MTMR10: variants seen among roughly 807,000 people sequenced by gnomAD.
The protein encoded by MTMR10 is myotubularin related protein 10.
A neutral mutation model predicts 88.1 loss-of-function variants in MTMR10; 56 were observed. That is an observed-to-expected ratio of 0.64 (90% CI 0.51 to 0.79). MTMR10 has a LOEUF of 0.79. Ranked by LOEUF, MTMR10 falls within the 30% of genes least tolerant of loss-of-function variation. The pLI, the probability that MTMR10 is intolerant of heterozygous loss-of-function variation, is 0.00. For synonymous variants in MTMR10, 380 were observed against 340.9 expected (o/e 1.11, Z -1.26); for missense variants, 883 against 924.7 (o/e 0.95, Z 0.58).
At chr15:30,966,115 T>C (rs1311176218) in intron 6 of MTMR10, 4 of 438,056 alleles carry the variant, frequency 9.1e-6, no homozygotes, top group Non-Finnish European at 1.4e-5. Flanking sequence ...CAGTGTTATG[T>C]TTATGAGGTA....
chr15:30,974,429 A>T lies in MTMR10; in HGVS notation c.359T>A (p.Val120Asp). Residue 120 changes from valine (V) to aspartate (D), a missense_variant, in exon 5 of 16, where the codon GTC becomes GAC. Val to Asp is a radical substitution (Grantham distance 152). Coordinates refer to ENST00000435680, the MANE Select transcript of MTMR10 (RefSeq NM_017762.3). Reference protein sequence around the residue: ...TVNDHKRKQKVLGPNQKLKFN... With the variant: ...TVNDHKRKQKDLGPNQKLKFN... ...TTTCAGTTTCTGGTTGGGGCCTAGG[A>T]CTTTCTGCTTCCTCTTGTGGTCGTT... 6.3e-7 allele frequency: 1 copy of T among 1,578,578 alleles called. No individual in the cohort carries two copies. The highest frequency in any genetic ancestry group is 8.6e-7 in the Non-Finnish European group (1 of 1,160,540).
chr15:30,925,396 C>T, the MTMR10 span: 2 of 1,111,970 alleles, frequency 1.8e-6, no homozygotes, highest in Non-Finnish European at 2.6e-6. Context: ...TTCTTTTAGA[C>T]TCGGAATAAT....
intron 4 of MTMR10, 111 bp downstream of exon 4, chr15:30,974,820 G>A: frequency 1.3e-6 from 1 of 759,808 alleles, no homozygotes. Context: ...AACGGCAAAA[G>A]TAAACTTACA....
intron 2 of MTMR10, among the ~76,000 whole-genome samples, chr15:30,989,657 A>G (rs1243181314): frequency 6.7e-6 from 1 of 150,042 alleles, no homozygotes; most frequent in African/African-American, 2.5e-5. Flanking sequence ...ATCTCGGCTC[A>G]CTGCAAGCTC....
At chr15:30,966,211 G>A (rs1014040538) in intron 6 of MTMR10, among the ~76,000 whole-genome samples, 2 of 152,138 alleles carry the variant, frequency 1.3e-5, no homozygotes, top group African/African-American at 4.8e-5. Flanking sequence ...TTATCAATAA[G>A]CTATATAAGA....
chr15:30,947,315 G>T lies in MTMR10; in HGVS notation c.1378-15C>A. 1 of 1,610,240 alleles carries T rather than the reference G, an allele frequency of 6.2e-7. No individual in the cohort carries two copies. Among genetic ancestry groups the T allele is most frequent in the Non-Finnish European group, 8.5e-7 (1 of 1,178,384 alleles). On this transcript the variant is annotated splice_polypyrimidine_tract_variant and intron_variant, in intron 13 of 15. Coordinates refer to ENST00000435680, the MANE Select transcript of MTMR10 (RefSeq NM_017762.3). ...AATAAAGGAGACTGGCAAATACAAA[G>T]AGACAATGGGATCATTTAATGTTAT...
rs181967746 is a variant in MTMR10, at chr15:30,973,155, A to C, written c.474+1159T>G. On this transcript the variant is annotated intron_variant, in intron 5 of 15. Transcript: ENST00000435680. Reference sequence around the variant, plus strand: ...ATATAATAGGCACTTTAAATTAGTAAAATGCCAAAATCACAAACAGCACAA... The same window carrying C: ...ATATAATAGGCACTTTAAATTAGTACAATGCCAAAATCACAAACAGCACAA... Among the ~76,000 whole-genome samples, 3 of 152,330 alleles carry C rather than the reference A, an allele frequency of 2.0e-5. No individual in the cohort carries two copies. The East Asian group carries it at 5.8e-4, about 29-fold the overall frequency.
At chr15:30,963,228 C>A (rs896236975) in intron 6 of MTMR10, among the ~76,000 whole-genome samples, 16 of 152,180 alleles carry the variant, frequency 1.1e-4, no homozygotes, top group Non-Finnish European at 2.2e-4. Context: ...CTACTTCCAT[C>A]ACTGGACGGT....
chr15:30,919,311 T>C, the MTMR10 span, among the ~76,000 whole-genome samples: 13 of 121,068 alleles, frequency 1.1e-4, no homozygotes, highest in African/African-American at 3.3e-4. Context: ...ACCCAGGAGG[T>C]GGAGGTTGTG....
At position 30,940,897 on chromosome 15, in the gene MTMR10, A is replaced by C. The variant is rs79843877; in HGVS notation, c.*573T>G. The C allele has an allele frequency of 1.3e-3, 1,366 of 1,024,704 alleles. 10 individuals carry two copies. The African/African-American group carries it at 0.021, about 15-fold the overall frequency. 63.5% of individuals were successfully genotyped at this position (1,024,704 alleles called of 1,614,324 possible). ...TATCATTTTAAAGTTGACCCTATGA[A>C]GTTAAAAGCAAACTCATGATTTCAA... On this transcript the variant is annotated 3_prime_UTR_variant, in exon 16 of 16. Coordinates refer to ENST00000435680, the MANE Select transcript of MTMR10 (RefSeq NM_017762.3).
intron 6 of MTMR10, among the ~76,000 whole-genome samples, chr15:30,961,650 A>G (rs2063403900): frequency 6.6e-6 from 1 of 152,156 alleles, no homozygotes; most frequent in Non-Finnish European, 1.5e-5. Context: ...CTTCAAACGT[A>G]AACAGGTCAG....
rs552661631 is a variant in MTMR10, at chr15:30,977,035, C to T, written c.122-80G>A. On this transcript the variant is annotated intron_variant, in intron 2 of 15. Coordinates refer to ENST00000435680, the MANE Select transcript of MTMR10 (RefSeq NM_017762.3). ...TTTGTGGGACCTAGAAGGAGTGTTT[C>T]ATGAGGGCAAGGATGAGGATAGTGA... is the stretch of plus-strand genomic sequence containing the variant. 3 of 1,347,404 alleles carry T rather than the reference C, an allele frequency of 2.2e-6. No homozygotes were observed. In the African/African-American group the frequency reaches 4.3e-5, roughly 19 times the overall value. 83.5% of individuals were successfully genotyped at this position (1,347,404 alleles called of 1,614,324 possible).
downstream of MTMR10, among the ~76,000 whole-genome samples, chr15:30,936,483 A>T (rs2062855860): frequency 1.3e-5 from 2 of 152,220 alleles, no homozygotes; most frequent in Admixed American, 6.5e-5. Flanking sequence ...TGCATGCTTT[A>T]AAACAATTTT....
chr15:30,964,208 A>G (rs964957873), intron 6 of MTMR10, among the ~76,000 whole-genome samples: 1 of 152,230 alleles, frequency 6.6e-6, no homozygotes, highest in East Asian at 1.9e-4. Context: ...CACCACCAAA[A>G]AAGAATTATA....
chr15:30,931,225 G>T, the MTMR10 span, among the ~76,000 whole-genome samples: 1 of 151,944 alleles, frequency 6.6e-6, no homozygotes, highest in Non-Finnish European at 1.5e-5. Context: ...AAAAAGCTCA[G>T]AGAGTGAACA....
chr15:30,943,175 T>C, intron 14 of MTMR10, 103 bp from the exon 15 acceptor site: 2 of 1,445,274 alleles, frequency 1.4e-6, no homozygotes, highest in East Asian at 2.5e-5. Flanking sequence ...TGTTCTGTAC[T>C]GCAGCCCTCA....
chr15:30,936,561 A>G (rs754162986), downstream of MTMR10, among the ~76,000 whole-genome samples: 1 of 152,222 alleles, frequency 6.6e-6, no homozygotes, highest in Non-Finnish European at 1.5e-5. Context: ...TACAGAATAG[A>G]AGAATTTCTG....
chr15:30,968,019 A>G lies in MTMR10; in HGVS notation c.475-9T>C. On this transcript the variant is annotated splice_polypyrimidine_tract_variant and intron_variant, in intron 5 of 15. Coordinates refer to ENST00000435680, the MANE Select transcript of MTMR10 (RefSeq NM_017762.3). ...GCTATTGCAAGGCATACCTAGGAAA[A>G]ATTCTACATTTAGAATTTGATTTTA... 6.5e-7 allele frequency: 1 copy of G among 1,539,932 alleles called. No homozygotes were observed. The highest frequency in any genetic ancestry group is 8.8e-7 in the Non-Finnish European group (1 of 1,135,564).
At position 30,941,563 on chromosome 15, in the gene MTMR10, C is replaced by A. The variant is rs767018763; in HGVS notation, c.2241G>T (p.Leu747=). ...GTGTTCCTAAAATGCTTCGTCTGCACAGATTCCCTACAGGAGAAAATGGAA... is the reference window on the plus strand; with the variant it reads ...GTGTTCCTAAAATGCTTCGTCTGCAAAGATTCCCTACAGGAGAAAATGGAA... ...SSFPFSPVGN[L]CRRSILGTPL... Residue 747 remains leucine, a synonymous_variant, in exon 16 of 16, where the codon CTG becomes CTT. Transcript: ENST00000435680. 1 of 1,602,152 alleles carries A rather than the reference C, an allele frequency of 6.2e-7. No individual in the cohort carries two copies. The highest frequency in any genetic ancestry group is 1.1e-5 in the South Asian group (1 of 89,402).
Sources: allele counts gnomAD v4.1 joint callset (sites outside exome capture counted in the v4.1 genomes callset), GRCh38; gene constraint gnomAD v4.1.1; transcripts MANE v1.5; gene names NCBI Gene and HGNC (gene_info 2026-07-23, HGNC 2026-07-21).